Variants in BATF3 observed in about 807,000 individuals in gnomAD.
The protein encoded by BATF3 is basic leucine zipper transcriptional factor ATF-like 3.
Under a neutral mutation model 16.1 loss-of-function variants are expected in BATF3, and 8 were observed. The ratio of observed to expected loss-of-function variants is 0.50; its 90% CI spans 0.29 to 0.90. BATF3 has a LOEUF of 0.90. Ranked by LOEUF, BATF3 falls within the 40% of genes least tolerant of loss-of-function variation. The probability of loss-of-function intolerance (pLI) is 0.08; values close to 1 mark genes in which losing one functional copy is unlikely to be tolerated. For synonymous variants in BATF3, 74 were observed against 72.7 expected (o/e 1.02, Z -0.09); for missense variants, 139 against 167.0 (o/e 0.83, Z 0.92).
chr1:212,687,399 A>G (rs1353212210), intron 2 of BATF3: 1 of 171,626 alleles, frequency 5.8e-6, no homozygotes, highest in East Asian at 1.5e-4. Flanking sequence ...GAACATAACA[A>G]ATGTTTGTTG....
chr1:212,699,098 A>G lies in BATF3; in HGVS notation c.90+575T>C, dbSNP rs1657199352. On this transcript the variant is annotated intron_variant, in intron 1 of 2. Transcript: ENST00000243440. This position sits in a 1 kb window ranked among gnomAD's most constrained non-coding sequence, Gnocchi z 4.4. ...TTCCAGACGGCCGTCCCTGTGGCCA[A>G]CCTGGTCTCCTTCCTGACTGCGCCG... 6.6e-6 allele frequency among the ~76,000 whole-genome samples: 1 copy of G among 152,214 alleles called. No individual in the cohort carries two copies. The highest frequency in any genetic ancestry group is 2.4e-5 in the African/African-American group (1 of 41,450).
At chr1:212,692,069 A>T (rs990512435) in intron 2 of BATF3, among the ~76,000 whole-genome samples, 2 of 152,010 alleles carry the variant, frequency 1.3e-5, no homozygotes, top group Non-Finnish European at 2.9e-5. Flanking sequence ...GTGAAGGGGA[A>T]CCCCAGCCCC....
chr1:212,693,760 G>T (rs1309301925), intron 2 of BATF3, among the ~76,000 whole-genome samples: 1 of 152,194 alleles, frequency 6.6e-6, no homozygotes, highest in African/African-American at 2.4e-5. Context: ...ATCAAATGCA[G>T]CAGTGACAGA....
chr1:212,691,005 C>T (rs1001744725), intron 2 of BATF3, among the ~76,000 whole-genome samples: 1 of 152,178 alleles, frequency 6.6e-6, no homozygotes, highest in Non-Finnish European at 1.5e-5. Flanking sequence ...GGATGCTGCT[C>T]AACATCCAGC....
At chr1:212,687,992 AAAGAAAGGAAGGAAGGAAGG>A (rs1352275818) in intron 2 of BATF3, among the ~76,000 whole-genome samples, 128 of 130,416 alleles carry the variant, frequency 9.8e-4, no homozygotes, top group Non-Finnish European at 6.8e-4. Context: ...AGAAAGAAAG[AAAGAAAGGAAGGAAGGAAGG>A]AAGGAAGGAA....
Position 212,699,836 on chromosome 1 carries a change from G to T in BATF3, c.-74C>A. On this transcript the variant is annotated 5_prime_UTR_variant, in exon 1 of 3. Coordinates refer to ENST00000243440, the MANE Select transcript of BATF3 (RefSeq NM_018664.3). This position sits in a 1 kb window ranked among gnomAD's most constrained non-coding sequence, Gnocchi z 4.4. ...GCCCGTGGGGCTGCCTACGGGCGCT[G>T]TCCCGCCGCCGGCATCCTCGTGCCG... 1.0e-6 allele frequency: 1 copy of T among 979,760 alleles called. No individual in the cohort carries two copies. The highest frequency in any genetic ancestry group is 1.2e-6 in the Non-Finnish European group (1 of 800,824). 60.7% of individuals were successfully genotyped at this position (979,760 alleles called of 1,614,324 possible).
rs1656854639 is a variant in BATF3 at position 212,686,598 on chromosome 1, G to A, written c.*193C>T. The A allele has an allele frequency of 1.1e-6, 1 of 893,108 alleles. No individual in the cohort carries two copies. Among genetic ancestry groups the A allele is most frequent in the Non-Finnish European group, 1.6e-6 (1 of 609,610 alleles). 55.3% of individuals were successfully genotyped at this position (893,108 alleles called of 1,614,324 possible). The stretch of plus-strand genomic sequence containing the variant: ...GGCCTCCATGCTGGATCTGCACAAG[G>A]GCTCTGTGAGTTTGGCGCCTGTTGG... On this transcript the variant is annotated 3_prime_UTR_variant, in exon 3 of 3. Transcript: ENST00000243440.
chr1:212,687,958 A>G (rs977327644), intron 2 of BATF3, among the ~76,000 whole-genome samples: 1 of 143,798 alleles, frequency 7.0e-6, no homozygotes, highest in Non-Finnish European at 1.5e-5. Flanking sequence ...AGAAAGAGAG[A>G]AAGAAAAAAA....
At chr1:212,695,490 CAAAAAAAAAA>C (rs373281690) in intron 2 of BATF3, among the ~76,000 whole-genome samples, 3 of 42,226 alleles carry the variant, frequency 7.1e-5, no homozygotes, top group African/African-American at 2.1e-4. Context: ...GACTCTGTCT[CAAAAAAAAAA>C]AAAAAAAAAA....
chr1:212,687,081 T>C, intron 2 of BATF3, 102 bp from the exon 3 acceptor site: 1 of 752,112 alleles, frequency 1.3e-6, no homozygotes, highest in South Asian at 1.5e-5. Context: ...AGCTGTCTCA[T>C]TACGCATGTC....
rs1657220002 is a variant in BATF3, at chr1:212,699,596, C to T, written c.90+77G>A. On this transcript the variant is annotated intron_variant, in intron 1 of 2. Transcript: ENST00000243440. The surrounding 1 kb of genome is among the most constrained non-coding windows in gnomAD (Gnocchi z 4.4). ...CTCCGCAGTCACCACCACGGAACTCCAGCACCCACCTCCTCGCCCCCCGCG... is the reference window on the plus strand; with the variant it reads ...CTCCGCAGTCACCACCACGGAACTCTAGCACCCACCTCCTCGCCCCCCGCG... The T allele has an allele frequency of 8.5e-7, 1 of 1,182,424 alleles. No individual in the cohort carries two copies. Among genetic ancestry groups the T allele is most frequent in the Non-Finnish European group, 1.1e-6 (1 of 935,422 alleles). 73.2% of individuals were successfully genotyped at this position (1,182,424 alleles called of 1,614,324 possible). A position where few individuals can be genotyped will look rare whatever the true frequency, so the allele number is the denominator to read the frequency against.
chr1:212,690,977 C>T (rs1340564448), intron 2 of BATF3, among the ~76,000 whole-genome samples: 2 of 152,220 alleles, frequency 1.3e-5, no homozygotes, highest in Non-Finnish European at 2.9e-5. Context: ...GCTACTACAT[C>T]ATGTGGCTAG....
At chr1:212,697,170 T>G in intron 1 of BATF3, 105 bp from the exon 2 acceptor site, 1 of 868,260 alleles carries the variant, frequency 1.2e-6, no homozygotes, top group Admixed American at 2.1e-5. Flanking sequence ...TCATTTGCTT[T>G]GCAGTAGACA....
intron 2 of BATF3, among the ~76,000 whole-genome samples, chr1:212,693,266 T>C (rs1657043091): frequency 6.6e-6 from 1 of 152,158 alleles, no homozygotes; most frequent in Admixed American, 6.5e-5. Context: ...TCAGAGATGA[T>C]GTTCCTTTGG....
rs1656949557 is a variant in BATF3 at position 212,689,709 on chromosome 1, TCACA to T, written c.196-2734_196-2731del. ...CACACACACGTCTGCAAACACACAC[TCACA>T]CACTCTCATACACATTCACACACTC... On this transcript the variant is annotated intron_variant, in intron 2 of 2. Coordinates refer to ENST00000243440, the MANE Select transcript of BATF3 (RefSeq NM_018664.3). This position sits in a 1 kb window ranked among gnomAD's most constrained non-coding sequence, Gnocchi z 4.6. 6.6e-6 allele frequency among the ~76,000 whole-genome samples: 1 copy of T among 151,038 alleles called. No homozygotes were observed. The highest frequency in any genetic ancestry group is 2.4e-5 in the African/African-American group (1 of 41,004).
intron 2 of BATF3, among the ~76,000 whole-genome samples, chr1:212,688,722 C>T (rs1208756231): frequency 6.6e-6 from 1 of 152,196 alleles, no homozygotes; most frequent in African/African-American, 2.4e-5. Context: ...CAGAGCTCTA[C>T]GGCATGCCAA....
intron 2 of BATF3, among the ~76,000 whole-genome samples, chr1:212,691,731 C>G (rs796619287): frequency 6.3e-4 from 96 of 152,358 alleles, no homozygotes; most frequent in African/African-American, 2.3e-3. Flanking sequence ...TGCTGCTTTC[C>G]TTTTGTGACT....
intron 2 of BATF3, among the ~76,000 whole-genome samples, chr1:212,693,866 A>G (rs115812127): frequency 1.1e-3 from 171 of 152,358 alleles, no homozygotes; most frequent in African/African-American, 4.0e-3. Flanking sequence ...TAGGCAGCAT[A>G]ATCGATTCAC....
chr1:212,699,263 C>A lies in BATF3; in HGVS notation c.90+410G>T, dbSNP rs75301185. 3.3e-5 allele frequency among the ~76,000 whole-genome samples: 5 copies of A among 152,206 alleles called. No individual in the cohort carries two copies. The highest frequency in any genetic ancestry group is 4.1e-4 in the South Asian group (2 of 4,826). On this transcript the variant is annotated intron_variant, in intron 1 of 2. Transcript: ENST00000243440. This position sits in a 1 kb window ranked among gnomAD's most constrained non-coding sequence, Gnocchi z 4.4. Reference sequence around the variant, plus strand: ...CTCCATTCCCGCGGCAGCACCCCCCCCACCCGGGGGAATCCTGGAGGGGCT... The same window carrying A: ...CTCCATTCCCGCGGCAGCACCCCCCACACCCGGGGGAATCCTGGAGGGGCT...
Sources: allele counts gnomAD v4.1 joint callset (sites outside exome capture counted in the v4.1 genomes callset), GRCh38; gene constraint gnomAD v4.1.1; non-coding constraint Gnocchi (gnomAD v3.1); transcripts MANE v1.5; gene names NCBI Gene and HGNC (gene_info 2026-07-23, HGNC 2026-07-21).